The following FAAH2 variants were observed in gnomAD, a reference collection of about 807,000 sequenced individuals.
The protein encoded by FAAH2 is fatty acid amide hydrolase 2, also known as fatty-acid amide hydrolase 2.
Under a neutral mutation model 36.9 loss-of-function variants are expected in FAAH2, and 60 were observed. The ratio of observed to expected loss-of-function variants is 1.63; its 90% confidence interval spans 1.32 to 2.02. FAAH2 has a LOEUF of 2.02. Ranked by LOEUF, FAAH2 falls within the 30% of genes most tolerant of loss-of-function variation. The probability of loss-of-function intolerance (pLI) is 0.00; values close to 1 mark genes in which losing one functional copy is unlikely to be tolerated. For missense variants in FAAH2, 689 were observed against 397.5 expected, an observed-to-expected ratio of 1.73 and a Z score of -6.23; for synonymous variants, 214 against 143.8, an observed-to-expected ratio of 1.49 and a Z score of -3.49.
the FAAH2 span, among the ~76,000 whole-genome samples, chrX:57,188,541 G>A: frequency 2.7e-5 from 3 of 109,700 alleles, no homozygotes; most frequent in African/African-American, 6.6e-5. Flanking sequence ...AAGGTGTTTC[G>A]TGTCTCTATC....
chrX:57,442,662 C>G (rs1024471440), intron 8 of FAAH2, among the ~76,000 whole-genome samples: 8 of 111,838 alleles, frequency 7.2e-5, no homozygotes, highest in Non-Finnish European at 1.3e-4. Context: ...ATGATGTTAA[C>G]TGGTTATTTT....
chrX:57,187,383 T>G, the FAAH2 span, among the ~76,000 whole-genome samples: 6 of 110,559 alleles, frequency 5.4e-5, no homozygotes, highest in African/African-American at 2.0e-4. Context: ...TATTGGTGTA[T>G]AGGAATGCTT....
At chrX:57,316,422 G>A (rs12011060) in intron 3 of FAAH2, among the ~76,000 whole-genome samples, 94 of 111,596 alleles carry the variant, frequency 8.4e-4, no homozygotes, top group African/African-American at 2.7e-3. Flanking sequence ...AATAGCCAAA[G>A]CAATCCTAAG....
chrX:57,371,329 G>A (rs2054544697), intron 5 of FAAH2, among the ~76,000 whole-genome samples: 1 of 111,498 alleles, frequency 9.0e-6, no homozygotes, highest in African/African-American at 3.3e-5. Context: ...GCTCCCACTT[G>A]TAAGTGAGAA....
chrX:57,486,793 C>T (rs185943888), intron 10 of FAAH2, among the ~76,000 whole-genome samples: 81 of 111,682 alleles, frequency 7.3e-4, no homozygotes, highest in African/African-American at 2.6e-3. Context: ...CGAAATGAAA[C>T]CATTCCTCTT....
chrX:57,155,822 C>A, the FAAH2 span, among the ~76,000 whole-genome samples: 4 of 112,056 alleles, frequency 3.6e-5, no homozygotes, highest in South Asian at 3.8e-4. Flanking sequence ...CATAGCTTCC[C>A]TGGGGACCCA....
At chrX:57,225,262 TG>T in the FAAH2 span, among the ~76,000 whole-genome samples, 1 of 111,629 alleles carries the variant, frequency 9.0e-6, no homozygotes, top group African/African-American at 3.3e-5. Context: ...TCAGACTTTT[TG>T]TTGTAGGTGT....
At position 57,431,797 on chromosome X, in the gene FAAH2, G is replaced by T. The variant is rs201882959; in HGVS notation, c.997-121G>T. ...TTTTTTTGTTTTTTTGTTTTTTTTG[G>T]TGTTTCCATGGGGCAATGAGGGCCT... On this transcript the variant is annotated intron_variant, in intron 7 of 10. Coordinates refer to ENST00000374900, the MANE Select transcript of FAAH2 (RefSeq NM_174912.4). The T allele has an allele frequency of 5.9e-3, 230 of 38,667 alleles. No homozygotes were observed. Among genetic ancestry groups the T allele is most frequent in the Admixed American group, 0.01 (10 of 983 alleles). 3.2% of individuals were successfully genotyped at this position (38,667 alleles called of 1,213,427 possible).
chrX:57,290,390 C>T (rs1177810973), intron 1 of FAAH2: 2 of 452,535 alleles, frequency 4.4e-6, no homozygotes, highest in African/African-American at 5.4e-5. Flanking sequence ...AAATCTCTGT[C>T]TGTGCATGCA....
chrX:57,372,430 G>A (rs192565567), intron 5 of FAAH2, among the ~76,000 whole-genome samples: 2 of 111,226 alleles, frequency 1.8e-5, no homozygotes, highest in Admixed American at 9.5e-5. Context: ...TTGTGTGTTA[G>A]TTGGATACTT....
At chrX:57,473,581 CCTTGATTAT>C (rs1179465547) in intron 10 of FAAH2, among the ~76,000 whole-genome samples, 6 of 111,062 alleles carry the variant, frequency 5.4e-5, no homozygotes, top group Non-Finnish European at 9.4e-5. Flanking sequence ...TGATTTTCTG[CCTTGATTAT>C]CTGTCTAGTG....
At chrX:57,396,192 G>C (rs990481225) in intron 7 of FAAH2, among the ~76,000 whole-genome samples, 6 of 110,781 alleles carry the variant, frequency 5.4e-5, no homozygotes, top group African/African-American at 2.0e-4. Context: ...TATCATTTCT[G>C]ATTGTGTTTA....
intron 2 of FAAH2, among the ~76,000 whole-genome samples, chrX:57,299,837 A>C (rs1433116371): frequency 1.8e-5 from 2 of 111,652 alleles, no homozygotes; most frequent in Non-Finnish European, 3.8e-5. Flanking sequence ...GCCAAATCAT[A>C]AGTGAACTCC....
chrX:57,465,746 C>T (rs1253547994), intron 10 of FAAH2, among the ~76,000 whole-genome samples: 1 of 110,824 alleles, frequency 9.0e-6, no homozygotes, highest in Non-Finnish European at 1.9e-5. Flanking sequence ...TATGAAAAAT[C>T]AAGGAGCTCT....
chrX:57,392,660 C>A (rs1454442492), intron 7 of FAAH2: 5 of 670,905 alleles, frequency 7.5e-6, no homozygotes, highest in African/African-American at 2.1e-5. Context: ...GATCCATTCA[C>A]CTGTTCTGTT....
chrX:57,254,528 A>AAAGG, the FAAH2 span, among the ~76,000 whole-genome samples: 2 of 111,881 alleles, frequency 1.8e-5, no homozygotes, highest in Non-Finnish European at 3.8e-5. Context: ...TTGGAAGTAA[A>AAAGG]ACACTCCTCA....
chrX:57,393,622 A>T, intron 7 of FAAH2: 1 of 901,700 alleles, frequency 1.1e-6, no homozygotes, highest in Non-Finnish European at 1.6e-6. Flanking sequence ...TCAATGCACC[A>T]CTCACCCCCA....
At chrX:57,380,136 T>A (rs2054803212) in intron 6 of FAAH2, among the ~76,000 whole-genome samples, 1 of 110,988 alleles carries the variant, frequency 9.0e-6, no homozygotes, top group South Asian at 3.8e-4. Flanking sequence ...CCTTTTGATA[T>A]TGCTCCTTTT....
chrX:57,171,868 G>A, the FAAH2 span, among the ~76,000 whole-genome samples: 2 of 111,717 alleles, frequency 1.8e-5, no homozygotes, highest in Non-Finnish European at 3.8e-5. Flanking sequence ...AGGATTTCTT[G>A]TATAATTTTT....
Sources: gnomAD v4.1 joint callset for allele counts (sites outside exome capture counted in the v4.1 genomes callset) on GRCh38, gnomAD v4.1.1 for gene constraint, MANE v1.5 for transcripts, NCBI Gene and HGNC (gene_info 2026-07-23, HGNC 2026-07-21) for gene names.